ABCB8: variants seen among roughly 807,000 people sequenced by gnomAD.
ABCB8 encodes mitochondrial potassium channel ATP-binding subunit.
Under a neutral mutation model 73.0 loss-of-function variants are expected in ABCB8, and 52 were observed. That is an observed-to-expected ratio of 0.71 (90% CI 0.57 to 0.90). The LOEUF (loss-of-function observed/expected upper bound fraction) is 0.90, where lower values mean the gene tolerates loss of function less well. Ranked by LOEUF, ABCB8 falls within the 40% of genes least tolerant of loss-of-function variation. The pLI, the probability that ABCB8 is intolerant of heterozygous loss-of-function variation, is 0.00. For missense variants in ABCB8, 909 were observed against 974.6 expected (o/e 0.93, Z 0.90); for synonymous variants, 428 against 423.5 (o/e 1.01, Z -0.13).
At chr7:151,035,077 C>T (rs1388574574) in intron 5 of ABCB8, among the ~76,000 whole-genome samples, 2 of 152,250 alleles carry the variant, frequency 1.3e-5, no homozygotes, top group Admixed American at 6.5e-5. Context: ...CCTGGAAAGC[C>T]TTCCCAAGCA....
chr7:151,047,551 G>C lies in ABCB8; in HGVS notation c.*2202G>C, dbSNP rs1796646743. ...GACAGTCCCTGCCCCCATGAAGCTT[G>C]TGTCCTGTTGGGAGGACAGACAGGT... On this transcript the variant is annotated 3_prime_UTR_variant, in exon 16 of 16. Coordinates refer to ENST00000358849, the MANE Select transcript of ABCB8 (RefSeq NM_007188.5). 1 of 152,278 alleles carries C rather than the reference G, an allele frequency of 6.6e-6. No homozygotes were observed. Among genetic ancestry groups the C allele is most frequent in the African/African-American group, 2.4e-5 (1 of 41,458 alleles). The allele number at this position is 152,278 out of a possible 1,614,324, so 9.4% of individuals were successfully genotyped here.
intron 1 of ABCB8, among the ~76,000 whole-genome samples, chr7:151,031,036 G>C (rs1300872816): frequency 6.6e-6 from 1 of 152,230 alleles, no homozygotes; most frequent in Admixed American, 6.5e-5. Flanking sequence ...TGTGTTCATT[G>C]TACTGGGTTG....
rs750876009 is a variant in ABCB8 at position 151,041,110 on chromosome 7, G to C, written c.1495G>C (p.Val499Leu). The C allele has an allele frequency of 1.2e-6, 2 of 1,613,588 alleles. No homozygotes were observed. The highest frequency in any genetic ancestry group is 2.2e-5 in the South Asian group (2 of 91,086). ...ACCCAATTCCCCAGGAAAGACCACC[G>C]TGGCTTCCCTGCTGGAGCGCTTCTA... ...VGQSGGGKTT[V>L]ASLLERFYDP... The change falls in exon 13 of 16, where the codon GTG (valine) becomes CTG (leucine). Residue 499 changes from valine (V) to leucine (L), a missense_variant. Coordinates refer to ENST00000358849, the MANE Select transcript of ABCB8 (RefSeq NM_007188.5).
intron 6 of ABCB8, 41 bp downstream of exon 6, chr7:151,035,783 C>A: frequency 6.2e-7 from 1 of 1,610,486 alleles, no homozygotes; most frequent in South Asian, 1.1e-5. Context: ...CTCCCCACAC[C>A]GTTTCTCTTT....
chr7:151,044,224 T>C lies in ABCB8; in HGVS notation c.2016+3T>C, dbSNP rs759665962. ...TGGCCGATGGCCGTGTCTGGGAGGT[T>C]AGTTGTCCTGGGGGCGTGGATCAGT... On this transcript the variant is annotated splice_donor_region_variant and intron_variant, in intron 15 of 15. Transcript: ENST00000358849. The C allele has an allele frequency of 2.5e-5, 40 of 1,596,528 alleles. No homozygotes were observed. The highest frequency in any genetic ancestry group is 3.4e-5 in the Non-Finnish European group (40 of 1,166,472).
intron 1 of ABCB8, among the ~76,000 whole-genome samples, chr7:151,032,197 C>T (rs1175206825): frequency 1.3e-5 from 2 of 152,196 alleles, no homozygotes; most frequent in Non-Finnish European, 2.9e-5. Flanking sequence ...CCTGTTCCCC[C>T]TCACAGGTTC....
chr7:151,028,713 G>A, intron 1 of ABCB8, 103 bp downstream of exon 1: 1 of 1,550,782 alleles, frequency 6.4e-7, no homozygotes. Context: ...AGGCTTGCTG[G>A]GAGCTGTAGG....
intron 13 of ABCB8, 122 bp from the exon 14 acceptor site, chr7:151,041,839 C>T: frequency 1.6e-6 from 2 of 1,259,398 alleles, no homozygotes; most frequent in Non-Finnish European, 1.1e-6. Context: ...ACGTCTGATT[C>T]TTCAAGAGAT....
intron 1 of ABCB8, 70 bp downstream of exon 1, chr7:151,028,680 G>A (rs1471633092): frequency 6.3e-7 from 1 of 1,576,144 alleles, no homozygotes; most frequent in Admixed American, 1.8e-5. Context: ...CCCGCCGGGA[G>A]ATGGAGTCCA....
intron 8 of ABCB8, 48 bp from the exon 9 acceptor site, chr7:151,036,496 G>A (rs1796313011): frequency 2.0e-6 from 3 of 1,527,592 alleles, no homozygotes; most frequent in African/African-American, 1.4e-5. Flanking sequence ...GCCCAGGGCT[G>A]TTTCCTCTGC....
rs1796479121 is a variant in ABCB8 at position 151,041,972 on chromosome 7, G to C, written c.1629G>C (p.Leu543=). The C allele has an allele frequency of 6.2e-7, 1 of 1,612,666 alleles. No individual in the cohort carries two copies. The highest frequency in any genetic ancestry group is 1.3e-5 in the African/African-American group (1 of 74,946). The change falls in exon 14 of 16, where the codon CTG becomes CTC. Residue 543 remains leucine (L), a synonymous_variant. Transcript: ENST00000358849. The part of the protein sequence containing the change: ...VVGFISQEPV[L]FGTTIMENIR... ...CCCCTCACCCACAGGAGCCCGTCCT[G>C]TTTGGGACGACCATCATGGAAAACA...
At chr7:151,038,365 AC>A (rs1796366744) in intron 9 of ABCB8, 1 of 152,216 alleles carries the variant, frequency 6.6e-6, no homozygotes, top group Non-Finnish European at 1.5e-5. Context: ...TACTAAAAAT[AC>A]AAAAATTAGC....
At chr7:151,035,998 G>A (rs1796297181) in intron 7 of ABCB8, 31 bp downstream of exon 7, 1 of 1,613,296 alleles carries the variant, frequency 6.2e-7, no homozygotes, top group Non-Finnish European at 8.5e-7. Context: ...GCACAAAGCA[G>A]AGATGCCCCC....
intron 13 of ABCB8, 60 bp downstream of exon 13, chr7:151,041,292 C>G (rs1231798831): frequency 6.6e-7 from 1 of 1,524,810 alleles, no homozygotes; most frequent in African/African-American, 1.4e-5. Flanking sequence ...GGGCCCTGCC[C>G]CCTTAGTCCT....
In ABCB8 at chr7:151,047,716, A is replaced by G. The variant is rs1328211569; in HGVS notation, c.*2367A>G. The G allele has an allele frequency of 1.3e-5, 2 of 152,254 alleles. No individual in the cohort carries two copies. The highest frequency in any genetic ancestry group is 1.3e-4 in the Admixed American group (2 of 15,290). The allele number at this position is 152,254 out of a possible 1,614,324, so 9.4% of individuals were successfully genotyped here. On this transcript the variant is annotated 3_prime_UTR_variant, in exon 16 of 16. Transcript: ENST00000358849. Reference sequence around the variant, plus strand: ...ATACGGCAACATTGTTTGTAATGGAAAGACTGGACACCCCCAGTGCCCATC... The same window carrying G: ...ATACGGCAACATTGTTTGTAATGGAGAGACTGGACACCCCCAGTGCCCATC...
intron 9 of ABCB8, chr7:151,038,425 C>T (rs1257264554): frequency 1.3e-5 from 2 of 151,906 alleles, no homozygotes; most frequent in Non-Finnish European, 1.5e-5. Context: ...GCAAGAGAAT[C>T]GCTTGAACCT....
In ABCB8 at chr7:151,028,521, G is replaced by C; in HGVS notation, c.6G>C (p.Leu2=). Residue 2 remains leucine, a synonymous_variant, in exon 1 of 16, where the codon CTG becomes CTC. Transcript: ENST00000358849. ...TCCTGTTTTACCGCGTCAGCATGCT[G>C]GTGCATTTATTTCGGGTCGGGATTC... The part of the protein sequence containing the change: M[L]VHLFRVGIRG... 1 of 1,613,560 alleles carries C rather than the reference G, an allele frequency of 6.2e-7. No individual in the cohort carries two copies. The highest frequency in any genetic ancestry group is 8.5e-7 in the Non-Finnish European group (1 of 1,179,834).
intron 1 of ABCB8, among the ~76,000 whole-genome samples, chr7:151,031,002 C>T (rs1052334473): frequency 1.3e-5 from 2 of 152,174 alleles, no homozygotes; most frequent in Admixed American, 1.3e-4. Context: ...TTTTGTGAAG[C>T]ATTTCCATTT....
Position 151,047,449 on chromosome 7 carries a change from C to G in ABCB8, c.*2100C>G, listed in dbSNP as rs1004902130. The G allele has an allele frequency of 6.6e-6, 1 of 152,256 alleles. No homozygotes were observed. Among genetic ancestry groups the G allele is most frequent in the Non-Finnish European group, 1.5e-5 (1 of 68,066 alleles). The allele number at this position is 152,256 out of a possible 1,614,324, so 9.4% of individuals were successfully genotyped here. On this transcript the variant is annotated 3_prime_UTR_variant, in exon 16 of 16. Transcript: ENST00000358849. ...GGAGCTGGTACGCCTGTGCTGTAAC[C>G]ATGGTACTCAGTCCTTCCAAAGTGT... is the stretch of plus-strand genomic sequence containing the variant.
Sources: allele counts gnomAD v4.1 joint callset (sites outside exome capture counted in the v4.1 genomes callset), GRCh38; gene constraint gnomAD v4.1.1; transcripts MANE v1.5; gene names NCBI Gene and HGNC (gene_info 2026-07-23, HGNC 2026-07-21).